Variants in CTAGE15 observed in about 807,000 individuals in gnomAD.
CTAGE15 encodes CTAGE family member 15, also known as CTAGE family, member 15, pseudogene.
A neutral mutation model predicts 29.7 loss-of-function variants in CTAGE15; 1 was observed. The ratio of observed to expected loss-of-function variants is 0.03; its 90% CI spans 0.01 to 0.16. CTAGE15 has a LOEUF of 0.16. Among genes scored for constraint, CTAGE15 ranks in the 10% least tolerant of loss-of-function variants. The pLI, the probability that CTAGE15 is intolerant of heterozygous loss-of-function variation, is 1.00. For missense variants in CTAGE15, 31 were observed against 391.1 expected, an observed-to-expected ratio of 0.08 and a Z score of 7.77; for synonymous variants, 8 against 139.7, an observed-to-expected ratio of 0.06 and a Z score of 6.65.
Position 143,572,021 on chromosome 7 carries a change from T to G in CTAGE15, c.204T>G (p.Ser68Arg), listed in dbSNP as rs1286121927. The part of the protein sequence containing the change: ...FLWRSFRSVR[S>R]RLYVGREQKL... ...GGAGAAGTTTTAGATCGGTTAGGAGTCGGCTTTACGTGGGAAGAGAGCAAA... is the reference window on the plus strand; with the variant it reads ...GGAGAAGTTTTAGATCGGTTAGGAGGCGGCTTTACGTGGGAAGAGAGCAAA... The change falls in exon 1 of 1, where the codon AGT becomes AGG. Residue 68 changes from serine to arginine, a missense_variant. By Grantham distance (110) the Ser-to-Arg change is moderately radical (BLOSUM62 -1). Coordinates refer to ENST00000420911, the MANE Select transcript of CTAGE15 (RefSeq NM_001008747.2). The G allele has an allele frequency of 1.1e-6, 1 of 885,180 alleles. No homozygotes were observed. The highest frequency in any genetic ancestry group is 3.1e-5 in the African/African-American group (1 of 31,756). The allele number at this position is 885,180 out of a possible 1,614,324, so 54.8% of individuals were successfully genotyped here.
In CTAGE15 at chr7:143,573,070, G is replaced by A. The variant is rs201837429; in HGVS notation, c.1253G>A (p.Arg418Lys). 2.9e-3 allele frequency: 3,993 copies of A among 1,399,802 alleles called. 646 individuals are homozygous for A. The highest frequency in any genetic ancestry group is 0.011 in the Middle Eastern group (50 of 4,702). The allele number at this position is 1,399,802 out of a possible 1,614,324, so 86.7% of individuals were successfully genotyped here. The change falls in exon 1 of 1, where the codon AGA becomes AAA. Residue 418 changes from arginine to lysine, a missense_variant. Physicochemically the swap from Arg to Lys is conservative, Grantham distance 26 (BLOSUM62 2). Transcript: ENST00000420911. ...ATAGAGGAAGAAGAGAAGCTTTCTA[G>A]AGTGGAAGAAAAGCTCAGCCGTGCC... is the stretch of plus-strand genomic sequence containing the variant. ...YRIEEEEKLS[R>K]VEEKLSRATE...
At position 143,573,171 on chromosome 7, in the gene CTAGE15, C is replaced by G; in HGVS notation, c.1354C>G (p.Gln452Glu). The G allele has an allele frequency of 7.6e-7, 1 of 1,322,542 alleles. No homozygotes were observed. The highest frequency in any genetic ancestry group is 1.0e-6 in the Non-Finnish European group (1 of 977,600). The allele number at this position is 1,322,542 out of a possible 1,614,324, so 81.9% of individuals were successfully genotyped here. The part of the protein sequence containing the change: ...EELERTVHFY[Q>E]KQVISYEKRG... Reference sequence around the variant, plus strand: ...ATTGGAGAGAACTGTTCATTTTTATCAAAAGCAGGTTATTTCCTACGAGAA... The same window carrying G: ...ATTGGAGAGAACTGTTCATTTTTATGAAAAGCAGGTTATTTCCTACGAGAA... The change falls in exon 1 of 1, where the codon CAA becomes GAA. Residue 452 changes from glutamine to glutamate, a missense_variant. By Grantham distance (29) the Gln-to-Glu change is conservative. Coordinates refer to ENST00000420911, the MANE Select transcript of CTAGE15 (RefSeq NM_001008747.2).
rs370447683 is a variant in CTAGE15, at chr7:143,573,103, A to G, written c.1286A>G (p.Gln429Arg). 3,163 of 1,406,172 alleles carry G rather than the reference A, an allele frequency of 2.2e-3. 264 individuals are homozygous for G. Among genetic ancestry groups the G allele is most frequent in the African/African-American group, 0.012 (767 of 62,528 alleles). The allele number at this position is 1,406,172 out of a possible 1,614,324, so 87.1% of individuals were successfully genotyped here. The change falls in exon 1 of 1, where the codon CAG (glutamine) becomes CGG (arginine). Residue 429 changes from glutamine (Q) to arginine (R), a missense_variant. Gln to Arg is a conservative substitution (Grantham distance 43). Transcript: ENST00000420911. ...GAAAAGCTCAGCCGTGCCACTGAAC[A>G]GCTGGAGACCTATAGAAAGCTAGCC... is the stretch of plus-strand genomic sequence containing the variant. ...VEEKLSRATEQLETYRKLAKD... is the reference protein window; with the variant it reads ...VEEKLSRATERLETYRKLAKD...
chr7:143,573,312 CT>C lies in CTAGE15; in HGVS notation c.1499del (p.Leu500Ter). ...AACTGAAACAGAGTTGAAATTTGAACTTTTAGAAAAAGATCCTAATGCACTT... is the reference window on the plus strand; with the variant it reads ...AACTGAAACAGAGTTGAAATTTGAACTTTAGAAAAAGATCCTAATGCACTT... ...KLTETELKFE[L>X]LEKDPNALDV... is the part of the protein sequence containing the mutation. On this transcript the variant is annotated frameshift_variant, in exon 1 of 1. Coordinates refer to ENST00000420911, the MANE Select transcript of CTAGE15 (RefSeq NM_001008747.2). LOFTEE classifies it high-confidence loss of function. 1 of 917,258 alleles carries C rather than the reference CT, an allele frequency of 1.1e-6. No homozygotes were observed. The allele number at this position is 917,258 out of a possible 1,614,324, so 56.8% of individuals were successfully genotyped here.
rs773273282 is a variant in CTAGE15 at position 143,573,089 on chromosome 7, C to T, written c.1272C>T (p.Ser424=). The stretch of plus-strand genomic sequence containing the variant: ...TTTCTAGAGTGGAAGAAAAGCTCAG[C>T]CGTGCCACTGAACAGCTGGAGACCT... The part of the protein sequence containing the change: ...EKLSRVEEKL[S]RATEQLETYR... The change falls in exon 1 of 1, where the codon AGC becomes AGT. Residue 424 remains serine (S), a synonymous_variant. Coordinates refer to ENST00000420911, the MANE Select transcript of CTAGE15 (RefSeq NM_001008747.2). The T allele has an allele frequency of 4.3e-6, 6 of 1,408,924 alleles. 1 individual carries two copies. Among genetic ancestry groups the T allele is most frequent in the Non-Finnish European group, 4.8e-6 (5 of 1,037,438 alleles). The allele number at this position is 1,408,924 out of a possible 1,614,324, so 87.3% of individuals were successfully genotyped here.
rs1808423122 is a variant in CTAGE15, at chr7:143,572,927, C to T, written c.1110C>T (p.Asn370=). 1 of 1,287,498 alleles carries T rather than the reference C, an allele frequency of 7.8e-7. No individual in the cohort carries two copies. Among genetic ancestry groups the T allele is most frequent in the Non-Finnish European group, 1.0e-6 (1 of 962,458 alleles). The allele number at this position is 1,287,498 out of a possible 1,614,324, so 79.8% of individuals were successfully genotyped here. ...AACAAGCATCTTTGCAATCAGAAAA[C>T]ATATATTTTGAAAGTGAGAATCAGA... is the stretch of plus-strand genomic sequence containing the variant. ...QTQQASLQSE[N]IYFESENQKL... is the part of the protein sequence containing the mutation. The change falls in exon 1 of 1, where the codon AAC becomes AAT. Residue 370 remains asparagine, a synonymous_variant. Coordinates refer to ENST00000420911, the MANE Select transcript of CTAGE15 (RefSeq NM_001008747.2).
rs1448594159 is a variant in CTAGE15 at position 143,573,082 on chromosome 7, A to T, written c.1265A>T (p.Lys422Met). The change falls in exon 1 of 1, where the codon AAG (lysine) becomes ATG (methionine). Residue 422 changes from lysine (K) to methionine (M), a missense_variant. By Grantham distance (95) the Lys-to-Met change is moderately conservative. Transcript: ENST00000420911. ...EEEKLSRVEE[K>M]LSRATEQLET... ...GAGAAGCTTTCTAGAGTGGAAGAAA[A>T]GCTCAGCCGTGCCACTGAACAGCTG... 1 of 1,409,102 alleles carries T rather than the reference A, an allele frequency of 7.1e-7. No homozygotes were observed. Among genetic ancestry groups the T allele is most frequent in the South Asian group, 1.2e-5 (1 of 80,040 alleles). The allele number at this position is 1,409,102 out of a possible 1,614,324, so 87.3% of individuals were successfully genotyped here.
rs1212628731 is a variant in CTAGE15, at chr7:143,573,416, G to A, written c.1599G>A (p.Thr533=). 7.3e-6 allele frequency: 2 copies of A among 272,604 alleles called. No homozygotes were observed. Among genetic ancestry groups the A allele is most frequent in the Non-Finnish European group, 1.1e-5 (2 of 185,472 alleles). 16.9% of individuals were successfully genotyped at this position (272,604 alleles called of 1,614,324 possible). Residue 533 remains threonine (T), a synonymous_variant, in exon 1 of 1, where the codon ACG becomes ACA. Coordinates refer to ENST00000420911, the MANE Select transcript of CTAGE15 (RefSeq NM_001008747.2). ...PAPLGQRSSE[T]RAFLSPQTLL... ...CATTGGGTCAGCGTTCATCTGAAAC[G>A]AGAGCTTTTCTCTCTCCTCAAACTT...
In CTAGE15 at chr7:143,573,478, C is replaced by T. The variant is rs1268284803; in HGVS notation, c.1661C>T (p.Pro554Leu). 1.2e-5 allele frequency: 2 copies of T among 163,032 alleles called. No homozygotes were observed. The highest frequency in any genetic ancestry group is 1.9e-5 in the Non-Finnish European group (2 of 103,284). The allele number at this position is 163,032 out of a possible 1,614,324, so 10.1% of individuals were successfully genotyped here. ...CCACTGGGACTCTCACCTGTGCTTCCGGAGGGAGGAGGAAGAGGCCCAAGA... is the reference window on the plus strand; with the variant it reads ...CCACTGGGACTCTCACCTGTGCTTCTGGAGGGAGGAGGAAGAGGCCCAAGA... ...EDPLGLSPVL[P>L]EGGGRGPRGP... Residue 554 changes from proline to leucine, a missense_variant, in exon 1 of 1, where the codon CCG (proline) becomes CTG (leucine). By Grantham distance (98) the Pro-to-Leu change is moderately conservative. Transcript: ENST00000420911.
In CTAGE15 at chr7:143,573,100, A is replaced by G. The variant is rs1808427999; in HGVS notation, c.1283A>G (p.Glu428Gly). 7.1e-7 allele frequency: 1 copy of G among 1,409,746 alleles called. No individual in the cohort carries two copies. The highest frequency in any genetic ancestry group is 9.6e-7 in the Non-Finnish European group (1 of 1,038,272). 87.3% of individuals were successfully genotyped at this position (1,409,746 alleles called of 1,614,324 possible). Residue 428 changes from glutamate (E) to glycine (G), a missense_variant, in exon 1 of 1, where the codon GAA (glutamate) becomes GGA (glycine). By Grantham distance (98) the Glu-to-Gly change is moderately conservative. Coordinates refer to ENST00000420911, the MANE Select transcript of CTAGE15 (RefSeq NM_001008747.2). ...RVEEKLSRAT[E>G]QLETYRKLAK... Reference sequence around the variant, plus strand: ...GAAGAAAAGCTCAGCCGTGCCACTGAACAGCTGGAGACCTATAGAAAGCTA... The same window carrying G: ...GAAGAAAAGCTCAGCCGTGCCACTGGACAGCTGGAGACCTATAGAAAGCTA...
At position 143,572,539 on chromosome 7, in the gene CTAGE15, TTAATA is replaced by T. The variant is rs1808416731; in HGVS notation, c.723_727del (p.Asn242ThrfsTer6). On this transcript the variant is annotated frameshift_variant, in exon 1 of 1. Coordinates refer to ENST00000420911, the MANE Select transcript of CTAGE15 (RefSeq NM_001008747.2). LOFTEE classifies it high-confidence loss of function. ...GTATGGAAAGGACAAGTGAGTGAACTTAATAAACAGAAAATAACATTTGAAGACTC... is the reference window on the plus strand; with the variant it reads ...GTATGGAAAGGACAAGTGAGTGAACTAACAGAAAATAACATTTGAAGACTC... 1.6e-5 allele frequency: 20 copies of T among 1,269,226 alleles called. No homozygotes were observed. Among genetic ancestry groups the T allele is most frequent in the Non-Finnish European group, 2.2e-5 (20 of 910,836 alleles). 78.6% of individuals were successfully genotyped at this position (1,269,226 alleles called of 1,614,324 possible). A position where few individuals can be genotyped will look rare whatever the true frequency, so the allele number is the denominator to read the frequency against.
chr7:143,573,187 C>T lies in CTAGE15; in HGVS notation c.1370C>T (p.Ser457Phe). ...CATTTTTATCAAAAGCAGGTTATTT[C>T]CTACGAGAAAAGAGGACATGATAAT... is the stretch of plus-strand genomic sequence containing the variant. ...TVHFYQKQVI[S>F]YEKRGHDNWL... Residue 457 changes from serine (S) to phenylalanine (F), a missense_variant, in exon 1 of 1, where the codon TCC (serine) becomes TTC (phenylalanine). Transcript: ENST00000420911. 2 of 1,302,848 alleles carry T rather than the reference C, an allele frequency of 1.5e-6. No individual in the cohort carries two copies. Among genetic ancestry groups the T allele is most frequent in the Non-Finnish European group, 2.1e-6 (2 of 963,702 alleles). 80.7% of individuals were successfully genotyped at this position (1,302,848 alleles called of 1,614,324 possible).
Position 143,572,568 on chromosome 7 carries a change from TC to T in CTAGE15, c.753del (p.Val253TyrfsTer7). On this transcript the variant is annotated frameshift_variant, in exon 1 of 1. Coordinates refer to ENST00000420911, the MANE Select transcript of CTAGE15 (RefSeq NM_001008747.2). LOFTEE classifies it high-confidence loss of function. ...TAAACAGAAAATAACATTTGAAGAC[TC>T]CAAAGTACACGCAGAACAAGTTCTG... Reference protein sequence around the residue: ...LNKQKITFEDSKVHAEQVLND... With the variant: ...LNKQKITFEDXKVHAEQVLND... 1 of 1,277,322 alleles carries T rather than the reference TC, an allele frequency of 7.8e-7. No homozygotes were observed. Among genetic ancestry groups the T allele is most frequent in the Non-Finnish European group, 1.1e-6 (1 of 916,796 alleles). The allele number at this position is 1,277,322 out of a possible 1,614,324, so 79.1% of individuals were successfully genotyped here.
At position 143,573,011 on chromosome 7, in the gene CTAGE15, C is replaced by G. The variant is rs562721826; in HGVS notation, c.1194C>G (p.Leu398=). The G allele has an allele frequency of 1.0e-5, 14 of 1,349,520 alleles. 3 individuals are homozygous for G. In the Admixed American group the frequency reaches 2.1e-4, roughly 20 times the overall value. 83.6% of individuals were successfully genotyped at this position (1,349,520 alleles called of 1,614,324 possible). ...TEFYQENEMK[L]YRKLTVEENY... ...TCTATCAAGAAAATGAAATGAAACTCTACAGGAAATTAACAGTGGAGGAAA... is the reference window on the plus strand; with the variant it reads ...TCTATCAAGAAAATGAAATGAAACTGTACAGGAAATTAACAGTGGAGGAAA... Residue 398 remains leucine, a synonymous_variant, in exon 1 of 1, where the codon CTC becomes CTG. Coordinates refer to ENST00000420911, the MANE Select transcript of CTAGE15 (RefSeq NM_001008747.2).
Position 143,573,005 on chromosome 7 carries a change from G to T in CTAGE15, c.1188G>T (p.Met396Ile), listed in dbSNP as rs759705986. The T allele has an allele frequency of 7.4e-7, 1 of 1,342,454 alleles. No individual in the cohort carries two copies. Among genetic ancestry groups the T allele is most frequent in the Non-Finnish European group, 1.0e-6 (1 of 995,878 alleles). 83.2% of individuals were successfully genotyped at this position (1,342,454 alleles called of 1,614,324 possible). A position where few individuals can be genotyped will look rare whatever the true frequency, so the allele number is the denominator to read the frequency against. ...IMTEFYQENE[M>I]KLYRKLTVEE... ...CTGAATTCTATCAAGAAAATGAAAT[G>T]AAACTCTACAGGAAATTAACAGTGG... Residue 396 changes from methionine to isoleucine, a missense_variant, in exon 1 of 1, where the codon ATG becomes ATT. Physicochemically the swap from Met to Ile is conservative, Grantham distance 10. Coordinates refer to ENST00000420911, the MANE Select transcript of CTAGE15 (RefSeq NM_001008747.2).
Position 143,572,097 on chromosome 7 carries a change from GAAAAGTT to G in CTAGE15, c.281_287del (p.Glu94ValfsTer13). 2 of 530,730 alleles carry G rather than the reference GAAAAGTT, an allele frequency of 3.8e-6. No homozygotes were observed. Among genetic ancestry groups the G allele is most frequent in the South Asian group, 4.3e-5 (2 of 46,054 alleles). 32.9% of individuals were successfully genotyped at this position (530,730 alleles called of 1,614,324 possible). A position where few individuals can be genotyped will look rare whatever the true frequency, so the allele number is the denominator to read the frequency against. Reference sequence around the variant, plus strand: ...AATTGAAGAAAAATGTAAACTACTTGAAAAGTTTAGCCTTATTCAAAAAGAGTATGAA... The same window carrying G: ...AATTGAAGAAAAATGTAAACTACTTGTAGCCTTATTCAAAAAGAGTATGAA... On this transcript the variant is annotated frameshift_variant, in exon 1 of 1. Transcript: ENST00000420911. LOFTEE classifies it high-confidence loss of function.
In CTAGE15 at chr7:143,573,057, GAGA is replaced by G; in HGVS notation, c.1243_1245del (p.Lys415del). 1 of 1,405,796 alleles carries G rather than the reference GAGA, an allele frequency of 7.1e-7. No individual in the cohort carries two copies. Among genetic ancestry groups the G allele is most frequent in the Non-Finnish European group, 9.6e-7 (1 of 1,036,356 alleles). 87.1% of individuals were successfully genotyped at this position (1,405,796 alleles called of 1,614,324 possible). On this transcript the variant is annotated inframe_deletion, in exon 1 of 1. Transcript: ENST00000420911. ...GGAAAATTACCGAATAGAGGAAGAA[GAGA>G]AGCTTTCTAGAGTGGAAGAAAAGCT...
At position 143,571,811 on chromosome 7, in the gene CTAGE15, C is replaced by T. The variant is rs201665566; in HGVS notation, c.-7C>T. 4 of 1,038,618 alleles carry T rather than the reference C, an allele frequency of 3.9e-6. 1 individual carries two copies. The highest frequency in any genetic ancestry group is 5.2e-6 in the Non-Finnish European group (4 of 764,514). 64.3% of individuals were successfully genotyped at this position (1,038,618 alleles called of 1,614,324 possible). ...ACTGCGGTGACCGCCAGAGCAGCCT[C>T]GACGCTATGGAGGAGCCCGGTGCTA... On this transcript the variant is annotated 5_prime_UTR_variant, in exon 1 of 1. Coordinates refer to ENST00000420911, the MANE Select transcript of CTAGE15 (RefSeq NM_001008747.2).
In CTAGE15 at chr7:143,573,123, C is replaced by A; in HGVS notation, c.1306C>A (p.Leu436Ile). The change falls in exon 1 of 1, where the codon CTA becomes ATA. Residue 436 changes from leucine to isoleucine, a missense_variant. Physicochemically the swap from Leu to Ile is conservative, Grantham distance 5. Coordinates refer to ENST00000420911, the MANE Select transcript of CTAGE15 (RefSeq NM_001008747.2). Reference protein sequence around the residue: ...ATEQLETYRKLAKDLEEELER... With the variant: ...ATEQLETYRKIAKDLEEELER... ...TGAACAGCTGGAGACCTATAGAAAG[C>A]TAGCCAAAGATCTTGAAGAAGAATT... 7.1e-7 allele frequency: 1 copy of A among 1,404,716 alleles called. No homozygotes were observed. Among genetic ancestry groups the A allele is most frequent in the Non-Finnish European group, 9.7e-7 (1 of 1,035,886 alleles). 87.0% of individuals were successfully genotyped at this position (1,404,716 alleles called of 1,614,324 possible). A position where few individuals can be genotyped will look rare whatever the true frequency, so the allele number is the denominator to read the frequency against.
Sources: gnomAD v4.1 joint callset for allele counts on GRCh38, gnomAD v4.1.1 for gene constraint, MANE v1.5 for transcripts, NCBI Gene and HGNC (gene_info 2026-07-23, HGNC 2026-07-21) for gene names.